The following SEMA6D variants were observed in gnomAD, a reference collection of about 807,000 sequenced individuals.
SEMA6D encodes semaphorin-6D.
SEMA6D carries 35 observed loss-of-function variants against 106.6 expected under a neutral mutation model. The observed-to-expected ratio is 0.33, with a 90% confidence interval of 0.25 to 0.44. SEMA6D has a LOEUF of 0.44. Among genes scored for constraint, SEMA6D ranks in the 20% least tolerant of loss-of-function variants. The pLI, the probability that SEMA6D is intolerant of heterozygous loss-of-function variation, is 1.00. For missense variants in SEMA6D, 1,185 were observed against 1,345.9 expected, an observed-to-expected ratio of 0.88 and a Z score of 1.87; for synonymous variants, 499 against 487.7, an observed-to-expected ratio of 1.02 and a Z score of -0.31.
chr15:47,476,626 A>C (rs2043008053), intron 3 of SEMA6D, among the ~76,000 whole-genome samples: 1 of 152,142 alleles, frequency 6.6e-6, no homozygotes, highest in African/African-American at 2.4e-5. Context: ...TTGTTTAGAG[A>C]CAAACACTGG....
chr15:47,609,281 G>A (rs562860679), intron 4 of SEMA6D, among the ~76,000 whole-genome samples: 13 of 152,316 alleles, frequency 8.5e-5, no homozygotes, highest in African/African-American at 3.1e-4. Context: ...AGAAGATATA[G>A]AGGGAAGGAT....
chr15:47,316,621 T>TA (rs71299526), intron 1 of SEMA6D, among the ~76,000 whole-genome samples: 1 of 150,614 alleles, frequency 6.6e-6, no homozygotes, highest in African/African-American at 2.5e-5. Context: ...TTTTTTTTTT[T>TA]ATCATAAATG....
At chr15:47,770,418 G>A in intron 18 of SEMA6D, 79 bp from the exon 19 acceptor site, 1 of 1,224,618 alleles carries the variant, frequency 8.2e-7, no homozygotes, top group East Asian at 2.4e-5. Context: ...AGGTCGTGTT[G>A]GCTCACTGAA....
chr15:47,529,761 G>C (rs2044892043), intron 3 of SEMA6D, among the ~76,000 whole-genome samples: 1 of 152,178 alleles, frequency 6.6e-6, no homozygotes, highest in Non-Finnish European at 1.5e-5. Flanking sequence ...ACCTTGTGGA[G>C]ATGTTAGGGA....
intron 4 of SEMA6D, among the ~76,000 whole-genome samples, chr15:47,709,552 T>C (rs2078976250): frequency 1.3e-5 from 2 of 152,222 alleles, no homozygotes; most frequent in Admixed American, 1.3e-4. Flanking sequence ...GAAATGAATA[T>C]ATGCAAGAAT....
At chr15:47,648,980 C>A (rs1346105134) in intron 4 of SEMA6D, among the ~76,000 whole-genome samples, 2 of 152,124 alleles carry the variant, frequency 1.3e-5, no homozygotes, top group Non-Finnish European at 2.9e-5. Context: ...TGTAGTACAT[C>A]TATATTTGTA....
At chr15:47,358,638 C>T (rs1467154444) in intron 1 of SEMA6D, among the ~76,000 whole-genome samples, 3 of 152,082 alleles carry the variant, frequency 2.0e-5, no homozygotes, top group African/African-American at 4.8e-5. Flanking sequence ...AATGCATAGG[C>T]GACCACCTTG....
intron 1 of SEMA6D, among the ~76,000 whole-genome samples, chr15:47,243,597 C>T (rs978978727): frequency 2.0e-5 from 3 of 152,072 alleles, no homozygotes; most frequent in African/African-American, 7.2e-5. Context: ...GGATTTAAGA[C>T]ATACCAGGAA....
At chr15:47,304,041 A>G (rs2036127669) in intron 1 of SEMA6D, among the ~76,000 whole-genome samples, 1 of 152,202 alleles carries the variant, frequency 6.6e-6, no homozygotes, top group Non-Finnish European at 1.5e-5. Context: ...ACACCATCTT[A>G]GGGATTCAGA....
At chr15:47,434,724 G>A (rs575532802) in intron 2 of SEMA6D, among the ~76,000 whole-genome samples, 1 of 152,224 alleles carries the variant, frequency 6.6e-6, no homozygotes, top group African/African-American at 2.4e-5. Flanking sequence ...GATAATGTGT[G>A]GTCCCACATG....
chr15:47,656,311 C>T (rs964186238), intron 4 of SEMA6D, among the ~76,000 whole-genome samples: 1 of 152,116 alleles, frequency 6.6e-6, no homozygotes, highest in Non-Finnish European at 1.5e-5. Flanking sequence ...CCTGTAGCTC[C>T]CCTAAGAACA....
chr15:47,683,092 T>A (rs1302253008), intron 4 of SEMA6D, among the ~76,000 whole-genome samples: 1 of 152,216 alleles, frequency 6.6e-6, no homozygotes, highest in Non-Finnish European at 1.5e-5. Flanking sequence ...TGGGGGTACA[T>A]ATGAAGGTTT....
chr15:47,576,985 T>C (rs2076166595), intron 3 of SEMA6D, among the ~76,000 whole-genome samples: 1 of 152,230 alleles, frequency 6.6e-6, no homozygotes, highest in African/African-American at 2.4e-5. Context: ...ATGCTTGCTA[T>C]TACCTACAGA....
At chr15:47,243,308 GTTAT>G (rs2033021717) in intron 1 of SEMA6D, among the ~76,000 whole-genome samples, 1 of 151,838 alleles carries the variant, frequency 6.6e-6, no homozygotes, top group African/African-American at 2.4e-5. Context: ...CCATGAACTG[GTTAT>G]TTGTGTCCCA....
At chr15:47,344,977 G>A (rs1424976056) in intron 1 of SEMA6D, among the ~76,000 whole-genome samples, 6 of 151,976 alleles carry the variant, frequency 3.9e-5, no homozygotes, top group East Asian at 1.9e-4. Flanking sequence ...TGTGCACTTC[G>A]GAATAAAGCT....
intron 1 of SEMA6D, among the ~76,000 whole-genome samples, chr15:47,221,303 A>G (rs1298977639): frequency 6.6e-6 from 1 of 152,174 alleles, no homozygotes; most frequent in East Asian, 1.9e-4. Flanking sequence ...CCATGGCTCC[A>G]GCTCCCCCTG....
chr15:47,222,826 T>C (rs112973800), intron 1 of SEMA6D, among the ~76,000 whole-genome samples: 2 of 152,330 alleles, frequency 1.3e-5, no homozygotes, highest in African/African-American at 4.8e-5. Flanking sequence ...CATTTTCCTT[T>C]TATTTATTTT....
At chr15:47,577,058 A>G (rs550050391) in intron 3 of SEMA6D, among the ~76,000 whole-genome samples, 14 of 152,346 alleles carry the variant, frequency 9.2e-5, no homozygotes, top group Admixed American at 2.6e-4. Context: ...TCCCCAAGCT[A>G]GGATTTTTGT....
intron 2 of SEMA6D, among the ~76,000 whole-genome samples, chr15:47,445,958 A>G (rs1019815512): frequency 6.6e-6 from 1 of 152,138 alleles, no homozygotes; most frequent in Non-Finnish European, 1.5e-5. Context: ...ACCTAAAAGC[A>G]CTTTGGACTC....
Sources: gnomAD v4.1 joint callset for allele counts (sites outside exome capture counted in the v4.1 genomes callset) on GRCh38, gnomAD v4.1.1 for gene constraint, MANE v1.5 for transcripts, NCBI Gene and HGNC (gene_info 2026-07-23, HGNC 2026-07-21) for gene names.